The following PTPRT variants were observed in gnomAD, a reference collection of about 807,000 sequenced individuals.
PTPRT encodes protein tyrosine phosphatase receptor type T, also known as receptor-type tyrosine-protein phosphatase T.
In PTPRT, 56 loss-of-function variants were observed where a neutral mutation model predicts 176.8. The observed-to-expected ratio is 0.32, with a 90% CI of 0.26 to 0.40. The LOEUF is 0.40. Ranked by LOEUF, PTPRT falls within the 10% of genes least tolerant of loss-of-function variation. The pLI, the probability that PTPRT is intolerant of heterozygous loss-of-function variation, is 1.00. For synonymous variants in PTPRT, 783 were observed against 739.0 expected (o/e 1.06, Z -0.96); for missense variants, 1,540 against 1,908.2 (o/e 0.81, Z 3.60).
intron 1 of PTPRT, among the ~76,000 whole-genome samples, chr20:43,065,273 CAA>C (rs1006544358): frequency 6.6e-6 from 1 of 152,154 alleles, no homozygotes; most frequent in African/African-American, 2.4e-5. Flanking sequence ...ATAATTCCAC[CAA>C]ACTCTGTGGC....
At chr20:42,307,668 T>C (rs943775473) in intron 12 of PTPRT, among the ~76,000 whole-genome samples, 5 of 152,164 alleles carry the variant, frequency 3.3e-5, no homozygotes, top group African/African-American at 1.2e-4. Context: ...ATAAGATCAA[T>C]TGTGCCAAAA....
Position 42,491,694 on chromosome 20 carries a change from T to A in PTPRT, c.1154-19132A>T, listed in dbSNP as rs897251965. Among the ~76,000 whole-genome samples, 44 of 152,240 alleles carry A rather than the reference T, an allele frequency of 2.9e-4. 1 individual carries two copies. The highest frequency in any genetic ancestry group is 2.5e-3 in the Admixed American group (38 of 15,284). On this transcript the variant is annotated intron_variant, in intron 7 of 30. Coordinates refer to ENST00000373187, the MANE Select transcript of PTPRT (RefSeq NM_007050.6). ...AGTGAATCCTCGTCACACACCAAAT[T>A]TGCCAGATCTTGGGCTTCCCAACTT... is the stretch of plus-strand genomic sequence containing the variant.
chr20:42,901,210 T>C (rs2079399170), intron 1 of PTPRT, among the ~76,000 whole-genome samples: 2 of 152,162 alleles, frequency 1.3e-5, no homozygotes, highest in Admixed American at 1.3e-4. Context: ...TCTCAAACTG[T>C]CTTTTCTCAT....
At chr20:42,966,060 G>A (rs1017856951) in intron 1 of PTPRT, among the ~76,000 whole-genome samples, 3 of 152,132 alleles carry the variant, frequency 2.0e-5, no homozygotes, top group African/African-American at 4.8e-5. Flanking sequence ...AGTTCCACAC[G>A]GTAAGAACCA....
At chr20:42,602,252 T>C (rs2073795049) in intron 7 of PTPRT, among the ~76,000 whole-genome samples, 2 of 152,258 alleles carry the variant, frequency 1.3e-5, no homozygotes, top group South Asian at 2.1e-4. Context: ...ATCACCACTT[T>C]CCTGCAAAGT....
chr20:42,623,305 C>A (rs533901397), intron 7 of PTPRT, among the ~76,000 whole-genome samples: 4 of 152,314 alleles, frequency 2.6e-5, no homozygotes, highest in South Asian at 4.1e-4. Context: ...CCCTTAGAGA[C>A]AACCAGGGGG....
At chr20:43,013,287 G>A (rs1207800335) in intron 1 of PTPRT, among the ~76,000 whole-genome samples, 2 of 151,966 alleles carry the variant, frequency 1.3e-5, no homozygotes, top group East Asian at 1.9e-4. Flanking sequence ...CCATGTGTGG[G>A]GTATGGAATT....
At chr20:42,561,226 G>A (rs2072946669) in intron 7 of PTPRT, among the ~76,000 whole-genome samples, 1 of 152,214 alleles carries the variant, frequency 6.6e-6, no homozygotes, top group Non-Finnish European at 1.5e-5. Flanking sequence ...AGGCTACCAT[G>A]AGAAGGTACT....
chr20:43,131,620 G>A (rs964411595), intron 1 of PTPRT, among the ~76,000 whole-genome samples: 4 of 152,138 alleles, frequency 2.6e-5, no homozygotes, highest in African/African-American at 9.7e-5. Context: ...TTCAGGCCTA[G>A]ATGGATTCAT....
intron 7 of PTPRT, among the ~76,000 whole-genome samples, chr20:42,621,341 A>G (rs528139102): frequency 6.6e-6 from 1 of 152,292 alleles, no homozygotes; most frequent in South Asian, 2.1e-4. Context: ...TTTTCCCTCA[A>G]GAACACCCAT....
At chr20:43,099,738 C>T (rs1003642441) in intron 1 of PTPRT, among the ~76,000 whole-genome samples, 2 of 152,202 alleles carry the variant, frequency 1.3e-5, no homozygotes, top group African/African-American at 4.8e-5. Flanking sequence ...CCATCTTTAA[C>T]AGCTCTTTAT....
At chr20:43,042,840 T>A (rs1986673041) in intron 1 of PTPRT, among the ~76,000 whole-genome samples, 1 of 152,030 alleles carries the variant, frequency 6.6e-6, no homozygotes, top group African/African-American at 2.4e-5. Context: ...TCCTTCCAAT[T>A]TGAGCTTCTG....
chr20:42,100,918 C>G (rs1349406253), intron 26 of PTPRT, among the ~76,000 whole-genome samples: 4 of 152,174 alleles, frequency 2.6e-5, no homozygotes, highest in African/African-American at 9.7e-5. Context: ...CCAGGGCAGG[C>G]CCCTAGAGAG....
chr20:42,956,867 C>G (rs1981676494), intron 1 of PTPRT, among the ~76,000 whole-genome samples: 2 of 152,114 alleles, frequency 1.3e-5, no homozygotes, highest in East Asian at 3.9e-4. Flanking sequence ...TAAACTGAGT[C>G]CAAGATACCG....
In PTPRT at chr20:42,585,383, T is replaced by C. The variant is rs558750217; in HGVS notation, c.1153+92483A>G. ...CTGACTTGAAATAACTCCATGCATATAGAATATTTTACTGTCATCTAGGTT... is the reference window on the plus strand; with the variant it reads ...CTGACTTGAAATAACTCCATGCATACAGAATATTTTACTGTCATCTAGGTT... On this transcript the variant is annotated intron_variant, in intron 7 of 30. Coordinates refer to ENST00000373187, the MANE Select transcript of PTPRT (RefSeq NM_007050.6). 1.2e-4 allele frequency among the ~76,000 whole-genome samples: 18 copies of C among 152,342 alleles called. 1 individual carries two copies. Among genetic ancestry groups the C allele is most frequent in the Admixed American group, 8.5e-4 (13 of 15,308 alleles).
intron 12 of PTPRT, among the ~76,000 whole-genome samples, chr20:42,304,824 C>A (rs1352769466): frequency 6.6e-6 from 1 of 152,128 alleles, no homozygotes; most frequent in Non-Finnish European, 1.5e-5. Context: ...CAACTCAGGG[C>A]TTCTTATACA....
At position 42,238,234 on chromosome 20, in the gene PTPRT, C is replaced by T. The variant is rs545085033; in HGVS notation, c.2313-1976G>A. ...ATCACTCCTAAAGCAAAGCCCAACC[C>T]TACACACCCAGAAGGAAAGTGAGTC... On this transcript the variant is annotated intron_variant, in intron 14 of 30. Transcript: ENST00000373187. 4.6e-5 allele frequency among the ~76,000 whole-genome samples: 7 copies of T among 152,310 alleles called. No individual in the cohort carries two copies. In the South Asian group the frequency reaches 1.0e-3, roughly 23 times the overall value.
At chr20:42,947,624 A>G (rs930143690) in intron 1 of PTPRT, among the ~76,000 whole-genome samples, 1 of 152,218 alleles carries the variant, frequency 6.6e-6, no homozygotes, top group African/African-American at 2.4e-5. Flanking sequence ...ATTACAGTAA[A>G]TAAACTTTAA....
At chr20:42,327,442 C>A (rs1306403330) in intron 11 of PTPRT, among the ~76,000 whole-genome samples, 1 of 151,890 alleles carries the variant, frequency 6.6e-6, no homozygotes, top group Non-Finnish European at 1.5e-5. Context: ...TATTAGATAC[C>A]AGCATTATGT....
Sources: gnomAD v4.1 joint callset for allele counts (sites outside exome capture counted in the v4.1 genomes callset) on GRCh38, gnomAD v4.1.1 for gene constraint, MANE v1.5 for transcripts, NCBI Gene and HGNC (gene_info 2026-07-23, HGNC 2026-07-21) for gene names.